Variants in TRIO observed in about 807,000 individuals in gnomAD.
TRIO encodes trio Rho guanine nucleotide exchange factor.
A neutral mutation model predicts 351.9 loss-of-function variants in TRIO; 58 were observed. The observed-to-expected ratio is 0.16, with a 90% CI of 0.13 to 0.21. The LOEUF is 0.21. Among genes scored for constraint, TRIO ranks in the 10% least tolerant of loss-of-function variants. The pLI is 1.00. For missense variants in TRIO, 3,201 were observed against 4,027.8 expected, an observed-to-expected ratio of 0.79 and a Z score of 5.56; for synonymous variants, 1,758 against 1,595.7, an observed-to-expected ratio of 1.10 and a Z score of -2.42.
chr5:14,475,639 C>A (rs1200485066), intron 40 of TRIO, among the ~76,000 whole-genome samples: 1 of 152,228 alleles, frequency 6.6e-6, no homozygotes, highest in Non-Finnish European at 1.5e-5. Flanking sequence ...AGAAACAGCA[C>A]TCCAGTTTAT....
chr5:14,212,297 C>T (rs1791955369), intron 1 of TRIO, among the ~76,000 whole-genome samples: 1 of 152,096 alleles, frequency 6.6e-6, no homozygotes, highest in South Asian at 2.1e-4. Context: ...AGAAAAATTT[C>T]CAGCTCGCCC....
chr5:14,195,453 A>G (rs1790715301), intron 1 of TRIO, among the ~76,000 whole-genome samples: 1 of 152,162 alleles, frequency 6.6e-6, no homozygotes, highest in Non-Finnish European at 1.5e-5. Context: ...CATAGTTAAG[A>G]TGGTGTCCGC....
At chr5:14,253,165 C>G (rs1474962132) in intron 1 of TRIO, among the ~76,000 whole-genome samples, 4 of 152,142 alleles carry the variant, frequency 2.6e-5, no homozygotes, top group African/African-American at 9.7e-5. Flanking sequence ...GCTGCACTTG[C>G]CACATGCACC....
chr5:14,383,324 G>T (rs1438885569), intron 21 of TRIO, among the ~76,000 whole-genome samples: 1 of 152,172 alleles, frequency 6.6e-6, no homozygotes, highest in African/African-American at 2.4e-5. Flanking sequence ...TTTCACCTCT[G>T]CTCCACTCTG....
chr5:14,450,334 A>G (rs1330976745), intron 34 of TRIO, among the ~76,000 whole-genome samples: 1 of 152,202 alleles, frequency 6.6e-6, no homozygotes, highest in Non-Finnish European at 1.5e-5. Flanking sequence ...GTTTTAATTG[A>G]TGCCAGTGAT....
chr5:14,352,689 A>T (rs539325854), intron 11 of TRIO, among the ~76,000 whole-genome samples: 1 of 152,216 alleles, frequency 6.6e-6, no homozygotes, highest in South Asian at 2.1e-4. Context: ...CGAAGGGGCA[A>T]ATATTTTAAA....
intron 34 of TRIO, among the ~76,000 whole-genome samples, chr5:14,428,752 A>G (rs1371299223): frequency 6.6e-6 from 1 of 152,250 alleles, no homozygotes. Context: ...AATTATATAT[A>G]TAGCAGAGTC....
chr5:14,202,250 C>T (rs1791165392), intron 1 of TRIO, among the ~76,000 whole-genome samples: 1 of 144,694 alleles, frequency 6.9e-6, no homozygotes, highest in Non-Finnish European at 1.5e-5. Context: ...CATGGACCAA[C>T]ACAAATTCAT....
At chr5:14,489,072 G>T in intron 48 of TRIO, 1 of 765,146 alleles carries the variant, frequency 1.3e-6, no homozygotes, top group South Asian at 1.3e-5. Context: ...AGGCATGCGT[G>T]AGTGAATAGA....
chr5:14,194,039 A>AGAAG (rs1790606895), intron 1 of TRIO, among the ~76,000 whole-genome samples: 1 of 152,172 alleles, frequency 6.6e-6, no homozygotes, highest in African/African-American at 2.4e-5. Flanking sequence ...GGCCTGTCCA[A>AGAAG]ACCCTCCATG....
chr5:14,410,666 C>G (rs30606), intron 33 of TRIO, among the ~76,000 whole-genome samples: 71,276 of 152,030 alleles, frequency 0.47, 20,387 homozygotes, highest in African/African-American at 0.81. Flanking sequence ...GAAACTGGGT[C>G]GGGGGATGTT....
chr5:14,475,266 C>A (rs972845517), intron 40 of TRIO, among the ~76,000 whole-genome samples: 1 of 152,196 alleles, frequency 6.6e-6, no homozygotes, highest in African/African-American at 2.4e-5. Flanking sequence ...CTTCTGCTCT[C>A]CTGTCTTGAT....
chr5:14,201,142 C>G (rs552080784), intron 1 of TRIO, among the ~76,000 whole-genome samples: 1 of 152,200 alleles, frequency 6.6e-6, no homozygotes, highest in East Asian at 1.9e-4. Flanking sequence ...TTCCTGTAAT[C>G]CCAGCTACTC....
intron 1 of TRIO, among the ~76,000 whole-genome samples, chr5:14,256,748 C>T (rs948447848): frequency 7.2e-5 from 11 of 152,204 alleles, no homozygotes; most frequent in African/African-American, 9.7e-5. Flanking sequence ...GGCAACTGCC[C>T]GTCCTCCTCC....
At chr5:14,270,422 A>G (rs1473174392) in intron 1 of TRIO, among the ~76,000 whole-genome samples, 1 of 152,202 alleles carries the variant, frequency 6.6e-6, no homozygotes, top group Non-Finnish European at 1.5e-5. Flanking sequence ...AGGTTTTAGG[A>G]TGTCACAAGC....
chr5:14,306,145 A>G (rs1378255931), intron 8 of TRIO, among the ~76,000 whole-genome samples: 1 of 146,468 alleles, frequency 6.8e-6, no homozygotes, highest in Non-Finnish European at 1.6e-5. Flanking sequence ...GAATGTGGGC[A>G]GTCCTTCTCT....
chr5:14,369,925 A>G (rs1288266614), intron 18 of TRIO, among the ~76,000 whole-genome samples: 3 of 152,150 alleles, frequency 2.0e-5, no homozygotes, highest in Non-Finnish European at 4.4e-5. Flanking sequence ...TGCATCTCAG[A>G]AGAGGTGTAA....
At chr5:14,412,003 T>G (rs1749249373) in intron 33 of TRIO, among the ~76,000 whole-genome samples, 1 of 150,860 alleles carries the variant, frequency 6.6e-6, no homozygotes, top group African/African-American at 2.4e-5. Flanking sequence ...TTTTTTTTTT[T>G]TTGAGATGGA....
chr5:14,427,435 A>G (rs1750739806), intron 34 of TRIO, among the ~76,000 whole-genome samples: 1 of 152,170 alleles, frequency 6.6e-6, no homozygotes, highest in Non-Finnish European at 1.5e-5. Context: ...CCCCCAGCCC[A>G]AGCCTCACTG....
Sources: gnomAD v4.1 joint callset for allele counts (sites outside exome capture counted in the v4.1 genomes callset) on GRCh38, gnomAD v4.1.1 for gene constraint, MANE v1.5 for transcripts, NCBI Gene and HGNC (gene_info 2026-07-23, HGNC 2026-07-21) for gene names.